PREX2: variants seen among roughly 807,000 people sequenced by gnomAD.
PREX2 encodes phosphatidylinositol-3,4,5-trisphosphate dependent Rac exchange factor 2.
In PREX2, 107 loss-of-function variants were observed where a neutral mutation model predicts 203.2. The observed-to-expected ratio is 0.53, with a 90% CI of 0.45 to 0.62. The LOEUF (loss-of-function observed/expected upper bound fraction) is 0.62. PREX2 is among the 20% of genes least tolerant of loss of function. The pLI, the probability that PREX2 is intolerant of heterozygous loss-of-function variation, is 0.00. For synonymous variants in PREX2, 672 were observed against 663.6 expected (o/e 1.01, Z -0.19); for missense variants, 1,777 against 1,955.9 (o/e 0.91, Z 1.72).
At chr8:68,001,231 C>T (rs1227192720) in intron 1 of PREX2, among the ~76,000 whole-genome samples, 1 of 152,074 alleles carries the variant, frequency 6.6e-6, no homozygotes, top group African/African-American at 2.4e-5. Context: ...CTATAAGGAA[C>T]TTAAATTTAC....
chr8:68,031,506 T>C (rs2129610529), intron 6 of PREX2, among the ~76,000 whole-genome samples: 1 of 152,326 alleles, frequency 6.6e-6, no homozygotes, highest in South Asian at 2.1e-4. Flanking sequence ...GTTTCTTACC[T>C]TTGATATGGT....
chr8:68,087,150 C>T (rs1809717052), intron 18 of PREX2, among the ~76,000 whole-genome samples: 1 of 152,106 alleles, frequency 6.6e-6, no homozygotes, highest in Non-Finnish European at 1.5e-5. Flanking sequence ...TAACTTTTAA[C>T]AATGTTATCT....
intron 27 of PREX2, 24 bp downstream of exon 27, chr8:68,118,668 TG>T (rs546882440): frequency 1.9e-4 from 287 of 1,522,930 alleles, no homozygotes; most frequent in Admixed American, 1.3e-3. Context: ...TGAAGGCCTG[TG>T]GGCTTTTTGA....
chr8:68,100,241 G>A (rs1181525654), intron 23 of PREX2: 1 of 449,366 alleles, frequency 2.2e-6, no homozygotes, highest in Non-Finnish European at 4.4e-6. Context: ...ATAGACTGTG[G>A]GCTTTTAAAA....
chr8:68,136,228 AGTAT>A (rs1349596598), intron 32 of PREX2, among the ~76,000 whole-genome samples: 3 of 152,316 alleles, frequency 2.0e-5, no homozygotes, highest in East Asian at 3.9e-4. Flanking sequence ...TGAATTTTAC[AGTAT>A]GTGAGTTATA....
intron 13 of PREX2, among the ~76,000 whole-genome samples, chr8:68,070,854 G>C (rs553917239): frequency 8.5e-4 from 129 of 152,202 alleles, no homozygotes; most frequent in African/African-American, 3.0e-3. Flanking sequence ...TCCTGGAGGA[G>C]AAAGCAGGAT....
intron 6 of PREX2, among the ~76,000 whole-genome samples, chr8:68,036,542 T>A (rs751148264): frequency 4.6e-5 from 7 of 152,206 alleles, no homozygotes; most frequent in Non-Finnish European, 1.0e-4. Context: ...GAAATTGCTA[T>A]AAATTAATAC....
intron 37 of PREX2, among the ~76,000 whole-genome samples, chr8:68,216,389 C>G (rs1239650204): frequency 6.6e-6 from 1 of 152,038 alleles, no homozygotes; most frequent in Non-Finnish European, 1.5e-5. Context: ...CAACAAACTA[C>G]AGGGAGGTAA....
chr8:68,135,032 T>C (rs1017216011), intron 32 of PREX2, among the ~76,000 whole-genome samples: 1 of 152,070 alleles, frequency 6.6e-6, no homozygotes, highest in Admixed American at 6.6e-5. Context: ...GAGAGCCTAT[T>C]TCATCTGTTA....
intron 11 of PREX2, among the ~76,000 whole-genome samples, chr8:68,068,142 A>T (rs1224354903): frequency 2.0e-5 from 3 of 152,066 alleles, no homozygotes; most frequent in Non-Finnish European, 4.4e-5. Flanking sequence ...TTTGGCATCC[A>T]TGTTCATCAG....
intron 4 of PREX2, among the ~76,000 whole-genome samples, chr8:68,023,724 T>C (rs1807635015): frequency 6.6e-6 from 1 of 152,116 alleles, no homozygotes; most frequent in South Asian, 2.1e-4. Flanking sequence ...TCCTTTGTTT[T>C]CCCACTTTTG....
intron 4 of PREX2, among the ~76,000 whole-genome samples, chr8:68,024,236 ATAT>A (rs1381309663): frequency 1.4e-4 from 21 of 152,184 alleles, no homozygotes; most frequent in African/African-American, 5.1e-4. Context: ...ATTACTATTC[ATAT>A]TATTCATATT....
At chr8:68,038,020 T>G in intron 6 of PREX2, 139 bp from the exon 7 acceptor site, 1 of 848,178 alleles carries the variant, frequency 1.2e-6, no homozygotes, top group Non-Finnish European at 1.8e-6. Flanking sequence ...AGTGTATAAC[T>G]ATCTCTACTG....
intron 1 of PREX2, among the ~76,000 whole-genome samples, chr8:68,011,490 C>T (rs1213752098): frequency 6.6e-6 from 1 of 151,928 alleles, no homozygotes; most frequent in East Asian, 1.9e-4. Context: ...CTTTGGTGTA[C>T]ATGATGATAG....
At chr8:68,181,539 C>T (rs1258816487) in intron 35 of PREX2, among the ~76,000 whole-genome samples, 3 of 151,970 alleles carry the variant, frequency 2.0e-5, no homozygotes, top group Non-Finnish European at 4.4e-5. Flanking sequence ...GTTTGTCTTT[C>T]TCAGTCAGCT....
At chr8:68,019,941 A>G (rs1414512133) in intron 3 of PREX2, among the ~76,000 whole-genome samples, 1 of 152,220 alleles carries the variant, frequency 6.6e-6, no homozygotes, top group Non-Finnish European at 1.5e-5. Flanking sequence ...TCTAATGAAT[A>G]TTCAGGCTGT....
At position 68,234,154 on chromosome 8, in the gene PREX2, A is replaced by G. The variant is rs1813222467; in HGVS notation, c.*2776A>G. The G allele has an allele frequency of 1.3e-5, 2 of 152,172 alleles. No homozygotes were observed. The highest frequency in any genetic ancestry group is 4.8e-5 in the African/African-American group (2 of 41,442). The allele number at this position is 152,172 out of a possible 1,614,324, so 9.4% of individuals were successfully genotyped here. ...TTATTATAATTCCAACACAGTGGTA[A>G]GAGTAAAAAACATACCTAATGGATG... On this transcript the variant is annotated 3_prime_UTR_variant, in exon 40 of 40. Coordinates refer to ENST00000288368, the MANE Select transcript of PREX2 (RefSeq NM_024870.4).
intron 31 of PREX2, among the ~76,000 whole-genome samples, chr8:68,132,717 A>G (rs1046871437): frequency 2.2e-4 from 33 of 152,178 alleles, no homozygotes; most frequent in African/African-American, 8.0e-4. Flanking sequence ...AATATTGACA[A>G]TGCTTCTTTA....
At chr8:68,011,914 G>A (rs1807275295) in intron 1 of PREX2, among the ~76,000 whole-genome samples, 1 of 152,032 alleles carries the variant, frequency 6.6e-6, no homozygotes, top group South Asian at 2.1e-4. Context: ...AAGAAAAGAT[G>A]GCATTTATTA....
Sources: allele counts gnomAD v4.1 joint callset (sites outside exome capture counted in the v4.1 genomes callset), GRCh38; gene constraint gnomAD v4.1.1; transcripts MANE v1.5; gene names NCBI Gene and HGNC (gene_info 2026-07-23, HGNC 2026-07-21).